Variants in ZCWPW2 observed in about 807,000 individuals in gnomAD.
ZCWPW2 encodes zinc finger CW-type and PWWP domain containing 2, also known as zinc finger CW-type PWWP domain protein 2.
A neutral mutation model predicts 46.6 loss-of-function variants in ZCWPW2; 45 were observed. The observed-to-expected ratio is 0.96, with a 90% confidence interval of 0.76 to 1.24. The LOEUF (loss-of-function observed/expected upper bound fraction) is 1.24, where lower values mean the gene tolerates loss of function less well. Among genes scored for constraint, ZCWPW2 ranks in the 50% most tolerant of loss-of-function variants. The probability of loss-of-function intolerance (pLI) is 0.00; values close to 1 mark genes in which losing one functional copy is unlikely to be tolerated. For synonymous variants in ZCWPW2, 152 were observed against 137.1 expected (o/e 1.11, Z -0.76); for missense variants, 429 against 403.9 (o/e 1.06, Z -0.53).
In ZCWPW2 at chr3:28,413,059, A is replaced by G. The variant is rs1424964949; in HGVS notation, c.-10A>G. On this transcript the variant is annotated 5_prime_UTR_variant, in exon 3 of 10. Coordinates refer to ENST00000383768, the MANE Select transcript of ZCWPW2 (RefSeq NM_001040432.4). ...TTTCCTCTTTCTTATTTTCCAGATT[A>G]AATGCCTTAATGGATAAAGAAAAAT... is the stretch of plus-strand genomic sequence containing the variant. 1.9e-6 allele frequency: 3 copies of G among 1,594,102 alleles called. No homozygotes were observed. The Admixed American group carries it at 5.1e-5, about 27-fold the overall frequency.
chr3:28,385,077 A>G (rs962365891), intron 1 of ZCWPW2, among the ~76,000 whole-genome samples: 2 of 152,184 alleles, frequency 1.3e-5, no homozygotes, highest in Admixed American at 1.3e-4. Flanking sequence ...TAGATGTTGA[A>G]TTTCTCATGC....
chr3:28,431,501 T>C (rs767457935), intron 3 of ZCWPW2, among the ~76,000 whole-genome samples: 21 of 152,062 alleles, frequency 1.4e-4, no homozygotes, highest in Non-Finnish European at 2.1e-4. Context: ...TTCTTCTCCT[T>C]ATAAGGAGAC....
At chr3:28,516,651 C>T (rs1294145984) in intron 8 of ZCWPW2, among the ~76,000 whole-genome samples, 1 of 152,122 alleles carries the variant, frequency 6.6e-6, no homozygotes, top group Non-Finnish European at 1.5e-5. Context: ...GAAGCCACTC[C>T]CAGGGGATCC....
At chr3:28,468,172 A>T (rs1698899590) in intron 4 of ZCWPW2, among the ~76,000 whole-genome samples, 1 of 152,090 alleles carries the variant, frequency 6.6e-6, no homozygotes, top group African/African-American at 2.4e-5. Flanking sequence ...AATGCAATTG[A>T]CATAGTGAAG....
chr3:28,350,711 A>G (rs1261195849), intron 1 of ZCWPW2, among the ~76,000 whole-genome samples: 1 of 151,200 alleles, frequency 6.6e-6, no homozygotes, highest in African/African-American at 2.5e-5. Flanking sequence ...TTGTTAGAGA[A>G]AACTTGTTAC....
rs1349843499 is a variant in ZCWPW2, at chr3:28,449,193, A to C, written c.492+13924A>C. 2.6e-5 allele frequency among the ~76,000 whole-genome samples: 4 copies of C among 152,194 alleles called. No individual in the cohort carries two copies. The South Asian group carries it at 8.3e-4, about 31-fold the overall frequency. On this transcript the variant is annotated intron_variant, in intron 4 of 9. Transcript: ENST00000383768. The stretch of plus-strand genomic sequence containing the variant: ...AAAAATTGGCTAGTCACATGCAAAA[A>C]ACTGAAGCTAGACCCTTACCTAAAA...
chr3:28,423,056 T>C (rs764911646), intron 3 of ZCWPW2, among the ~76,000 whole-genome samples: 19 of 152,176 alleles, frequency 1.2e-4, no homozygotes, highest in Non-Finnish European at 2.5e-4. Flanking sequence ...GGTTATTCAT[T>C]TTCTTATTGT....
intron 1 of ZCWPW2, among the ~76,000 whole-genome samples, chr3:28,369,955 C>G (rs1230560237): frequency 6.6e-6 from 1 of 152,200 alleles, no homozygotes; most frequent in Non-Finnish European, 1.5e-5. Context: ...ACCCTCCGAG[C>G]CAGGCACAGG....
At chr3:28,355,079 G>A (rs1704681491) in intron 1 of ZCWPW2, among the ~76,000 whole-genome samples, 1 of 151,920 alleles carries the variant, frequency 6.6e-6, no homozygotes, top group African/African-American at 2.4e-5. Context: ...GTTTGCAGAT[G>A]ACATGATTGT....
intron 2 of ZCWPW2, among the ~76,000 whole-genome samples, chr3:28,407,408 A>AT (rs1440012653): frequency 6.6e-6 from 1 of 152,168 alleles, no homozygotes; most frequent in African/African-American, 2.4e-5. Flanking sequence ...CTGACTTTTA[A>AT]TAGGAACTCA....
In ZCWPW2 at chr3:28,524,806, G is replaced by C; in HGVS notation, c.*118G>C. On this transcript the variant is annotated 3_prime_UTR_variant, in exon 10 of 10. Transcript: ENST00000383768. ...ATAAATTATACCAAAGTTTATATTT[G>C]CGGTAACTTTCTACTTCATATTTTG... is the stretch of plus-strand genomic sequence containing the variant. The C allele has an allele frequency of 1.1e-6, 1 of 880,118 alleles. No homozygotes were observed. The highest frequency in any genetic ancestry group is 1.5e-6 in the Non-Finnish European group (1 of 656,126). 54.5% of individuals were successfully genotyped at this position (880,118 alleles called of 1,614,324 possible). A position where few individuals can be genotyped will look rare whatever the true frequency, so the allele number is the denominator to read the frequency against.
intron 2 of ZCWPW2, among the ~76,000 whole-genome samples, chr3:28,396,033 T>C (rs1695684807): frequency 6.6e-6 from 1 of 152,134 alleles, no homozygotes; most frequent in East Asian, 1.9e-4. Context: ...TATACATCAA[T>C]GAAGCTGGTA....
At chr3:28,368,963 C>T (rs1227295900) in intron 1 of ZCWPW2, among the ~76,000 whole-genome samples, 1 of 152,180 alleles carries the variant, frequency 6.6e-6, no homozygotes, top group Non-Finnish European at 1.5e-5. Context: ...GCTACTGAGG[C>T]TTGTGCATTC....
intron 6 of ZCWPW2, chr3:28,511,058 A>G (rs1310717523): frequency 4.4e-6 from 2 of 456,142 alleles, no homozygotes; most frequent in Admixed American, 4.7e-5. Flanking sequence ...CCCAGATGTC[A>G]AGAAAGACCC....
chr3:28,447,376 C>T (rs1698033572), intron 4 of ZCWPW2, among the ~76,000 whole-genome samples: 1 of 151,610 alleles, frequency 6.6e-6, no homozygotes, highest in African/African-American at 2.4e-5. Context: ...ATGTAATACA[C>T]CACATTACCA....
intron 4 of ZCWPW2, among the ~76,000 whole-genome samples, chr3:28,464,504 G>A (rs962595915): frequency 6.6e-6 from 1 of 152,028 alleles, no homozygotes; most frequent in East Asian, 1.9e-4. Context: ...CTAACAACCC[G>A]CAAAGCACAC....
intron 1 of ZCWPW2, among the ~76,000 whole-genome samples, chr3:28,378,680 A>G (rs1002796384): frequency 6.6e-6 from 1 of 152,130 alleles, no homozygotes; most frequent in Non-Finnish European, 1.5e-5. Context: ...TTGTTGTTAA[A>G]TATTTTGAAT....
At chr3:28,511,204 G>T (rs1216888050) in intron 6 of ZCWPW2, 2 of 341,888 alleles carry the variant, frequency 5.8e-6, no homozygotes, top group African/African-American at 2.1e-5. Flanking sequence ...CAACTATCCA[G>T]ATGTTAACCA....
chr3:28,357,661 G>T (rs938436112), intron 1 of ZCWPW2, among the ~76,000 whole-genome samples: 7 of 151,754 alleles, frequency 4.6e-5, no homozygotes, highest in Non-Finnish European at 1.5e-5. Context: ...CTTCTGTTTT[G>T]CAAGCCTTTG....
Sources: allele counts gnomAD v4.1 joint callset (sites outside exome capture counted in the v4.1 genomes callset), GRCh38; gene constraint gnomAD v4.1.1; transcripts MANE v1.5; gene names NCBI Gene and HGNC (gene_info 2026-07-23, HGNC 2026-07-21).